SAMMSON: variants seen among roughly 807,000 people sequenced by gnomAD.
SAMMSON encodes the protein survival associated mitochondrial melanoma specific oncogenic non-coding RNA, also known as long intergenic non-protein coding RNA 1212.
rs1702015496 is a variant in SAMMSON at position 70,275,508 on chromosome 3, C to T, written n.675-15671C>T. Among the ~76,000 whole-genome samples, 4 of 152,200 alleles carry T rather than the reference C, an allele frequency of 2.6e-5. No individual in the cohort carries two copies. The South Asian group carries it at 6.2e-4, about 24-fold the overall frequency. On this transcript the variant is annotated intron_variant and non_coding_transcript_variant, in intron 6 of 9. Coordinates refer to ENST00000642114, the Ensembl canonical transcript of SAMMSON. ...CCAGAGCCTAGGTGGCAAAGCAAGA[C>T]CCTGTCTCAAAAAATAAAACAAAAC... is the stretch of plus-strand genomic sequence containing the variant.
intron 4 of SAMMSON, among the ~76,000 whole-genome samples, chr3:70,211,000 A>G (rs1304723471): frequency 1.3e-5 from 2 of 152,280 alleles, no homozygotes; most frequent in African/African-American, 4.8e-5. Context: ...ACTCTAAGTT[A>G]TTAAGAAAAC....
At chr3:70,182,926 A>G (rs1284241082) in intron 4 of SAMMSON, among the ~76,000 whole-genome samples, 2 of 151,720 alleles carry the variant, frequency 1.3e-5, no homozygotes, top group Non-Finnish European at 2.9e-5. Flanking sequence ...TTGTAACTGT[A>G]TATTAATGAT....
In SAMMSON at chr3:70,264,260, G is replaced by A. The variant is rs150700863; in HGVS notation, n.674+14590G>A. On this transcript the variant is annotated intron_variant and non_coding_transcript_variant, in intron 6 of 9. Coordinates refer to ENST00000642114, the Ensembl canonical transcript of SAMMSON. ...CTCTCTTGACCTTAAAAAGGCCTTC[G>A]TGTTATCTGCTGTCTCTCTAGTTAA... 4.6e-5 allele frequency among the ~76,000 whole-genome samples: 7 copies of A among 152,258 alleles called. No individual in the cohort carries two copies. The East Asian group carries it at 5.8e-4, about 13-fold the overall frequency.
intron 4 of SAMMSON, among the ~76,000 whole-genome samples, chr3:70,218,026 T>G (rs936015673): frequency 2.0e-5 from 3 of 152,090 alleles, no homozygotes; most frequent in African/African-American, 7.2e-5. Flanking sequence ...GAGGAGCAAA[T>G]CATATGCTTA....
At chr3:70,011,858 T>A (rs1389929902) in intron 1 of SAMMSON, among the ~76,000 whole-genome samples, 3 of 152,114 alleles carry the variant, frequency 2.0e-5, no homozygotes, top group African/African-American at 7.2e-5. Context: ...TCACTGCTCA[T>A]ACTGTGTTTG....
chr3:70,072,665 A>AC (rs1356213545), intron 4 of SAMMSON: 1 of 150,396 alleles, frequency 6.6e-6, no homozygotes, highest in Admixed American at 6.6e-5. Context: ...AAAAAAAAAA[A>AC]ACAGAAAAAA....
intron 4 of SAMMSON, among the ~76,000 whole-genome samples, chr3:70,226,471 C>T (rs1299626448): frequency 1.3e-5 from 2 of 152,160 alleles, no homozygotes; most frequent in African/African-American, 2.4e-5. Flanking sequence ...GGCGCAGTGG[C>T]TCACGCCTGT....
chr3:70,272,707 G>C (rs1201636740), intron 6 of SAMMSON, among the ~76,000 whole-genome samples: 2 of 152,162 alleles, frequency 1.3e-5, no homozygotes, highest in African/African-American at 2.4e-5. Flanking sequence ...ATTTTAGATA[G>C]AGTACATTGC....
At chr3:70,161,165 T>A (rs11926255) in intron 4 of SAMMSON, among the ~76,000 whole-genome samples, 72,768 of 151,760 alleles carry the variant, frequency 0.48, 18,391 homozygotes, top group Non-Finnish European at 0.52. Flanking sequence ...ATGCCTTTCA[T>A]TTCTTCTTCC....
intron 3 of SAMMSON, among the ~76,000 whole-genome samples, chr3:70,022,292 A>G (rs1462410100): frequency 6.7e-6 from 1 of 149,228 alleles, no homozygotes; most frequent in Non-Finnish European, 1.5e-5. Context: ...GGGAGGGAGG[A>G]GGGATAGCAT....
chr3:70,108,081 A>G (rs951548224), intron 4 of SAMMSON, among the ~76,000 whole-genome samples: 1 of 152,166 alleles, frequency 6.6e-6, no homozygotes, highest in Non-Finnish European at 1.5e-5. Flanking sequence ...TTGGATTTAG[A>G]TGTGTTTTCC....
intron 7 of SAMMSON, among the ~76,000 whole-genome samples, chr3:70,325,376 G>C (rs563849424): frequency 9.3e-4 from 141 of 152,262 alleles, no homozygotes; most frequent in Middle Eastern, 3.4e-3. Context: ...CATGCGGGCT[G>C]TGAGTGTCTC....
At chr3:70,080,054 T>C (rs2067262422) in intron 4 of SAMMSON, among the ~76,000 whole-genome samples, 1 of 152,238 alleles carries the variant, frequency 6.6e-6, no homozygotes, top group Non-Finnish European at 1.5e-5. Flanking sequence ...GGATTCTTGA[T>C]TGGCTTTTTC....
intron 6 of SAMMSON, among the ~76,000 whole-genome samples, chr3:70,281,168 A>G (rs1236098038): frequency 2.0e-5 from 3 of 152,156 alleles, no homozygotes; most frequent in Non-Finnish European, 4.4e-5. Context: ...CTTGGCCCCT[A>G]CAATTTTAGT....
At chr3:70,189,652 T>C (rs1701116891) in intron 4 of SAMMSON, among the ~76,000 whole-genome samples, 1 of 152,248 alleles carries the variant, frequency 6.6e-6, no homozygotes, top group Non-Finnish European at 1.5e-5. Context: ...TATTCTCGCC[T>C]ACCTAGGGTA....
chr3:70,161,100 T>C (rs2067613586), intron 4 of SAMMSON, among the ~76,000 whole-genome samples: 1 of 152,066 alleles, frequency 6.6e-6, no homozygotes, highest in African/African-American at 2.4e-5. Context: ...TCATGTTATC[T>C]TCAAATAAAG....
chr3:70,082,638 A>C (rs1228582774), intron 4 of SAMMSON, among the ~76,000 whole-genome samples: 2 of 152,156 alleles, frequency 1.3e-5, no homozygotes, highest in African/African-American at 4.8e-5. Context: ...AAAAATGTGG[A>C]GTGGTATGAA....
intron 4 of SAMMSON, among the ~76,000 whole-genome samples, chr3:70,219,960 A>G (rs1366597762): frequency 6.6e-6 from 1 of 152,182 alleles, no homozygotes; most frequent in Admixed American, 6.6e-5. Flanking sequence ...AATTTCTGAG[A>G]GTGTGCTCCA....
chr3:70,411,114 A>G (rs1701215100), intron 2 of SAMMSON, among the ~76,000 whole-genome samples: 1 of 152,210 alleles, frequency 6.6e-6, no homozygotes, highest in Non-Finnish European at 1.5e-5. Context: ...TCTACGTAAA[A>G]TAGCACAGGT....
Sources: gnomAD v4.1 joint callset for allele counts (sites outside exome capture counted in the v4.1 genomes callset) on GRCh38, gnomAD v4.1.1 for gene constraint, MANE v1.5 for transcripts, NCBI Gene and HGNC (gene_info 2026-07-23, HGNC 2026-07-21) for gene names.